CACNB2: variants seen among roughly 807,000 people sequenced by gnomAD.
The protein encoded by CACNB2 is calcium voltage-gated channel auxiliary subunit beta 2.
A neutral mutation model predicts 73.3 loss-of-function variants in CACNB2; 42 were observed. The observed-to-expected ratio is 0.57, with a 90% CI of 0.45 to 0.74. The LOEUF (loss-of-function observed/expected upper bound fraction) is 0.74, where lower values mean the gene tolerates loss of function less well. Ranked by LOEUF, CACNB2 falls within the 30% of genes least tolerant of loss-of-function variation. The probability of loss-of-function intolerance (pLI) is 0.00; values close to 1 mark genes in which losing one functional copy is unlikely to be tolerated. For missense variants in CACNB2, 940 were observed against 853.0 expected (o/e 1.10, Z -1.27); for synonymous variants, 348 against 310.3 (o/e 1.12, Z -1.28).
At chr10:18,150,368 A>G (rs1258411948) in intron 1 of CACNB2, among the ~76,000 whole-genome samples, 8 of 152,236 alleles carry the variant, frequency 5.3e-5, no homozygotes, top group Admixed American at 1.3e-4. Flanking sequence ...TGCTTTGCCA[A>G]GAAAACCCTC....
intron 2 of CACNB2, among the ~76,000 whole-genome samples, chr10:18,223,259 A>C (rs1306653496): frequency 6.6e-6 from 1 of 152,210 alleles, no homozygotes; most frequent in Non-Finnish European, 1.5e-5. Flanking sequence ...AACACCTTCT[A>C]TATATGTAAT....
intron 3 of CACNB2, among the ~76,000 whole-genome samples, chr10:18,402,505 A>G (rs571051564): frequency 5.9e-5 from 9 of 152,258 alleles, no homozygotes; most frequent in Admixed American, 2.6e-4. Flanking sequence ...TGTATTTTCA[A>G]AATGGATTAC....
chr10:18,503,837 T>G (rs1034767614), intron 5 of CACNB2, among the ~76,000 whole-genome samples: 18 of 152,178 alleles, frequency 1.2e-4, no homozygotes, highest in Admixed American at 6.5e-5. Flanking sequence ...CTTCAGGATT[T>G]TTTTATAGCC....
At chr10:18,206,037 G>C (rs955807610) in intron 2 of CACNB2, 4 of 152,566 alleles carry the variant, frequency 2.6e-5, no homozygotes, top group African/African-American at 9.7e-5. Flanking sequence ...ACCCAGGGTA[G>C]AGTGCAGTGG....
chr10:18,152,699 T>C (rs1043309760), intron 2 of CACNB2, among the ~76,000 whole-genome samples: 3 of 91,516 alleles, frequency 3.3e-5, no homozygotes, highest in Non-Finnish European at 5.9e-5. Flanking sequence ...ATGCAGGACC[T>C]GAAACAGACC....
At chr10:18,487,712 A>G (rs925785408) in intron 3 of CACNB2, among the ~76,000 whole-genome samples, 3 of 151,948 alleles carry the variant, frequency 2.0e-5, no homozygotes, top group African/African-American at 4.8e-5. Flanking sequence ...GCGGGCGCCT[A>G]TAGTCCCAGC....
chr10:18,187,671 T>C (rs2034214742), intron 2 of CACNB2, among the ~76,000 whole-genome samples: 1 of 152,142 alleles, frequency 6.6e-6, no homozygotes, highest in South Asian at 2.1e-4. Context: ...AAAACAGTCT[T>C]TGGGGAATGC....
At chr10:18,233,103 G>T (rs938986362) in intron 2 of CACNB2, among the ~76,000 whole-genome samples, 14 of 152,160 alleles carry the variant, frequency 9.2e-5, no homozygotes, top group African/African-American at 2.9e-4. Flanking sequence ...AAATAGTTTA[G>T]AGAGCTTGAG....
intron 3 of CACNB2, among the ~76,000 whole-genome samples, chr10:18,474,328 G>C (rs759989232): frequency 5.3e-5 from 8 of 152,130 alleles, no homozygotes; most frequent in Non-Finnish European, 1.0e-4. Flanking sequence ...GTCACCCTCT[G>C]GTAGCAAGCA....
intron 2 of CACNB2, among the ~76,000 whole-genome samples, chr10:18,176,925 G>A (rs1160839153): frequency 6.6e-6 from 1 of 151,996 alleles, no homozygotes; most frequent in East Asian, 1.9e-4. Context: ...GGGACTTTTG[G>A]TTAGGGGTAC....
At chr10:18,487,604 G>T (rs1015551342) in intron 3 of CACNB2, among the ~76,000 whole-genome samples, 2 of 152,090 alleles carry the variant, frequency 1.3e-5, no homozygotes, top group African/African-American at 4.8e-5. Context: ...GGAGACCGAG[G>T]TGGGTGGATC....
At chr10:18,440,396 G>A (rs781267091) in intron 3 of CACNB2, among the ~76,000 whole-genome samples, 31 of 152,276 alleles carry the variant, frequency 2.0e-4, no homozygotes, top group Non-Finnish European at 3.7e-4. Flanking sequence ...TGGGCCAAGC[G>A]CAGTGGCTCA....
intron 2 of CACNB2, among the ~76,000 whole-genome samples, chr10:18,247,469 G>T (rs1423897893): frequency 6.6e-6 from 1 of 152,146 alleles, no homozygotes; most frequent in Admixed American, 6.5e-5. Flanking sequence ...GAGTTGCCCA[G>T]TAGGGGGTAT....
At chr10:18,319,060 C>A (rs1174353297) in intron 2 of CACNB2, among the ~76,000 whole-genome samples, 1 of 152,118 alleles carries the variant, frequency 6.6e-6, no homozygotes, top group Non-Finnish European at 1.5e-5. Flanking sequence ...GGATCTACAA[C>A]CAGAAATACC....
intron 3 of CACNB2, among the ~76,000 whole-genome samples, chr10:18,472,110 C>T (rs2048214672): frequency 6.6e-6 from 1 of 151,774 alleles, no homozygotes; most frequent in Non-Finnish European, 1.5e-5. Flanking sequence ...GTTTCAGTTT[C>T]TCTTCCCGGC....
At chr10:18,461,556 C>T (rs1166267154) in intron 3 of CACNB2, among the ~76,000 whole-genome samples, 3 of 151,252 alleles carry the variant, frequency 2.0e-5, no homozygotes, top group South Asian at 2.1e-4. Context: ...TATTTTTCCA[C>T]AGGTGGGGAG....
chr10:18,491,848 G>A (rs79991689), intron 3 of CACNB2, among the ~76,000 whole-genome samples: 176 of 33,770 alleles, frequency 5.2e-3, no homozygotes, highest in East Asian at 0.029. Context: ...AAAAAAAAAA[G>A]CCTGAGCGTT....
chr10:18,140,772 AGCG>A lies in CACNB2; in HGVS notation c.47_49del (p.Ala16del), dbSNP rs759384990. ...GGGACATGTCCAAGTCGCCTCCCAC[AGCG>A]GCGGCGGCGGTGGCGCAGGAGATCC... On this transcript the variant is annotated inframe_deletion, in exon 1 of 14. Coordinates refer to ENST00000324631, the MANE Select transcript of CACNB2 (RefSeq NM_201596.3). 3.8e-6 allele frequency: 6 copies of A among 1,597,690 alleles called. No homozygotes were observed. In the Admixed American group the frequency reaches 5.2e-5, roughly 14 times the overall value.
chr10:18,372,258 T>A (rs546639643), intron 2 of CACNB2, among the ~76,000 whole-genome samples: 1 of 152,370 alleles, frequency 6.6e-6, no homozygotes, highest in Non-Finnish European at 1.5e-5. Context: ...TTTTGGTGTT[T>A]TAGACATGAA....
Sources: gnomAD v4.1 joint callset for allele counts (sites outside exome capture counted in the v4.1 genomes callset) on GRCh38, gnomAD v4.1.1 for gene constraint, MANE v1.5 for transcripts, NCBI Gene and HGNC (gene_info 2026-07-23, HGNC 2026-07-21) for gene names.